Variants in PDE4D observed in about 807,000 individuals in gnomAD.
PDE4D encodes 3',5'-cyclic-AMP phosphodiesterase 4D.
Under a neutral mutation model 87.4 loss-of-function variants are expected in PDE4D, and 24 were observed. The observed-to-expected ratio is 0.27, with a 90% CI of 0.20 to 0.39. The LOEUF (loss-of-function observed/expected upper bound fraction) is 0.39. Ranked by LOEUF, PDE4D falls within the 10% of genes least tolerant of loss-of-function variation. The probability of loss-of-function intolerance (pLI) is 1.00; values close to 1 mark genes in which losing one functional copy is unlikely to be tolerated. For synonymous variants in PDE4D, 384 were observed against 383.2 expected (o/e 1.00, Z -0.02); for missense variants, 714 against 1,041.0 (o/e 0.69, Z 4.32).
rs960892134 is a variant in PDE4D, at chr5:58,987,915, C to A, written c.1552+578G>T. On this transcript the variant is annotated intron_variant, in intron 11 of 14. Transcript: ENST00000340635. ...TCTGTGCGGCAATGTCAGAGATGCT[C>A]CATATTAAACAGTCTCTACTATTCC... Among the ~76,000 whole-genome samples, 54 of 152,270 alleles carry A rather than the reference C, an allele frequency of 3.5e-4. 1 individual carries two copies. The highest frequency in any genetic ancestry group is 1.3e-3 in the African/African-American group (53 of 41,556).
At chr5:60,360,850 G>GAA (rs1470398008) in intron 1 of PDE4D, among the ~76,000 whole-genome samples, 1 of 152,174 alleles carries the variant, frequency 6.6e-6, no homozygotes, top group East Asian at 1.9e-4. Context: ...AATGAATGGT[G>GAA]AGCTTCACAA....
In PDE4D at chr5:59,753,036, G is replaced by A. The variant is rs758660479; in HGVS notation, c.455+140132C>T. ...ATATCTGGGCTTCTTTTGCACTACC[G>A]TGGTAGGGTTGAATAGTTGCCCCAG... On this transcript the variant is annotated intron_variant, in intron 1 of 14. Transcript: ENST00000340635. Among the ~76,000 whole-genome samples the A allele has an allele frequency of 4.5e-4, 69 of 152,258 alleles. 1 individual carries two copies. Among genetic ancestry groups the A allele is most frequent in the African/African-American group, 1.6e-3 (68 of 41,558 alleles).
intron 1 of PDE4D, among the ~76,000 whole-genome samples, chr5:60,254,308 T>C (rs1405399298): frequency 1.3e-5 from 2 of 151,958 alleles, no homozygotes; most frequent in Non-Finnish European, 2.9e-5. Flanking sequence ...GCTCAATTCA[T>C]GCTTATGCCA....
chr5:60,457,768 C>T (rs1211103033), intron 1 of PDE4D, among the ~76,000 whole-genome samples: 2 of 152,068 alleles, frequency 1.3e-5, no homozygotes, highest in Non-Finnish European at 2.9e-5. Context: ...GTCTCAATGC[C>T]GTCTGTAAGA....
chr5:60,422,904 G>C (rs1056752663), intron 1 of PDE4D, among the ~76,000 whole-genome samples: 1 of 152,168 alleles, frequency 6.6e-6, no homozygotes, highest in Non-Finnish European at 1.5e-5. Context: ...CCTGGTCTCT[G>C]ACAAAACAGA....
chr5:60,274,988 T>C (rs1032178012), intron 1 of PDE4D, among the ~76,000 whole-genome samples: 1 of 152,216 alleles, frequency 6.6e-6, no homozygotes, highest in Non-Finnish European at 1.5e-5. Context: ...GCATGCACAT[T>C]AAAGCTTGAG....
At chr5:59,075,399 C>T (rs114406792) in intron 5 of PDE4D, among the ~76,000 whole-genome samples, 352 of 152,054 alleles carry the variant, frequency 2.3e-3, no homozygotes, top group African/African-American at 8.3e-3. Context: ...GATATCCTCC[C>T]AATTGGAGAT....
chr5:60,309,622 G>A (rs1754822864), intron 1 of PDE4D, among the ~76,000 whole-genome samples: 1 of 151,900 alleles, frequency 6.6e-6, no homozygotes, highest in South Asian at 2.1e-4. Flanking sequence ...TTTCTTAACA[G>A]AGAACACTGA....
chr5:59,914,868 T>C (rs185160072), intron 3 of PDE4D, among the ~76,000 whole-genome samples: 1 of 32,576 alleles, frequency 3.1e-5, no homozygotes, highest in Non-Finnish European at 5.6e-5. Context: ...CTGATAGGGG[T>C]GTGTGTGTGT....
chr5:60,304,329 G>A (rs1189923689), intron 1 of PDE4D, among the ~76,000 whole-genome samples: 2 of 152,170 alleles, frequency 1.3e-5, no homozygotes, highest in Non-Finnish European at 2.9e-5. Context: ...AGTCTGCAGA[G>A]GTAGAGCCTT....
chr5:59,184,629 C>A (rs970320590), intron 4 of PDE4D, among the ~76,000 whole-genome samples: 3 of 151,876 alleles, frequency 2.0e-5, no homozygotes, highest in African/African-American at 7.3e-5. Context: ...TTACTTTTAT[C>A]TTTTTAGATT....
chr5:60,322,400 ACACACACACAC>A (rs879423394), intron 1 of PDE4D, among the ~76,000 whole-genome samples: 3,651 of 149,778 alleles, frequency 0.024, 73 homozygotes, highest in East Asian at 0.095. Context: ...ACACACACAC[ACACACACACAC>A]ACACAAAACC....
At chr5:60,499,688 A>G (rs1749976920) in intron 1 of PDE4D, among the ~76,000 whole-genome samples, 2 of 152,218 alleles carry the variant, frequency 1.3e-5, no homozygotes, top group African/African-American at 4.8e-5. Flanking sequence ...AGAATCAAGA[A>G]TAAACTCTTC....
chr5:59,021,968 A>G (rs964451840), intron 6 of PDE4D, among the ~76,000 whole-genome samples: 7 of 152,110 alleles, frequency 4.6e-5, no homozygotes, highest in Non-Finnish European at 1.0e-4. Flanking sequence ...CCTTCAGGGG[A>G]TGGCTTGGCA....
At chr5:59,397,276 C>G (rs200887636) in intron 1 of PDE4D, among the ~76,000 whole-genome samples, 11,137 of 82,114 alleles carry the variant, frequency 0.14, 852 homozygotes, top group Middle Eastern at 0.19. Flanking sequence ...ACAGAATATA[C>G]ATTTTTTTCA....
chr5:59,741,882 A>C (rs1406744387), intron 1 of PDE4D, among the ~76,000 whole-genome samples: 1 of 152,190 alleles, frequency 6.6e-6, no homozygotes, highest in African/African-American at 2.4e-5. Context: ...AAAATGCTTC[A>C]AATGAATTCA....
chr5:59,390,137 A>G (rs1052203826), intron 1 of PDE4D, among the ~76,000 whole-genome samples: 1 of 152,098 alleles, frequency 6.6e-6, no homozygotes, highest in Non-Finnish European at 1.5e-5. Context: ...GCATCAATAC[A>G]AATATTTACA....
At chr5:60,172,897 A>G (rs1783597849) in intron 2 of PDE4D, among the ~76,000 whole-genome samples, 1 of 152,126 alleles carries the variant, frequency 6.6e-6, no homozygotes, top group Admixed American at 6.6e-5. Context: ...ATTATGCAAA[A>G]GAGTTTACCT....
intron 1 of PDE4D, among the ~76,000 whole-genome samples, chr5:59,574,078 A>T (rs1431607081): frequency 6.1e-4 from 9 of 14,638 alleles, no homozygotes; most frequent in African/African-American, 1.6e-3. Context: ...ATATTTATAT[A>T]TATATTTATA....
Sources: allele counts gnomAD v4.1 joint callset (sites outside exome capture counted in the v4.1 genomes callset), GRCh38; gene constraint gnomAD v4.1.1; transcripts MANE v1.5; gene names NCBI Gene and HGNC (gene_info 2026-07-23, HGNC 2026-07-21).